The following PGAP1 variants were observed in gnomAD, a reference collection of about 807,000 sequenced individuals.
PGAP1 encodes the protein post-GPI attachment to proteins inositol deacylase 1.
PGAP1 carries 76 observed loss-of-function variants against 127.0 expected under a neutral mutation model. The observed-to-expected ratio is 0.60, with a 90% CI of 0.50 to 0.72. PGAP1 has a LOEUF of 0.72. Among genes scored for constraint, PGAP1 ranks in the 30% least tolerant of loss-of-function variants. The pLI, the probability that PGAP1 is intolerant of heterozygous loss-of-function variation, is 0.00. For synonymous variants in PGAP1, 362 were observed against 366.5 expected (o/e 0.99, Z 0.14); for missense variants, 982 against 1,071.3 (o/e 0.92, Z 1.16).
At chr2:196,852,494 TATA>T (rs1240490665) in intron 20 of PGAP1, among the ~76,000 whole-genome samples, 1 of 151,896 alleles carries the variant, frequency 6.6e-6, no homozygotes, top group Admixed American at 6.6e-5. Context: ...GAAATTAATT[TATA>T]ATAACAATTC....
At position 196,850,211 on chromosome 2, in the gene PGAP1, T is replaced by C. The variant is rs1700678550; in HGVS notation, c.1862-2174A>G. 2.0e-5 allele frequency among the ~76,000 whole-genome samples: 3 copies of C among 152,308 alleles called. No individual in the cohort carries two copies. In the South Asian group the frequency reaches 6.2e-4, roughly 32 times the overall value. The stretch of plus-strand genomic sequence containing the variant: ...TACCTTGGAGTACCAGCTGGCTCTG[T>C]TACTAGTTTAGCATCTTATCATTTC... On this transcript the variant is annotated intron_variant, in intron 20 of 26. Transcript: ENST00000354764.
chr2:196,841,303 T>G lies in PGAP1; in HGVS notation c.2700A>C (p.Ala900=). The G allele has an allele frequency of 6.2e-7, 1 of 1,613,894 alleles. No individual in the cohort carries two copies. The highest frequency in any genetic ancestry group is 8.5e-7 in the Non-Finnish European group (1 of 1,179,846). Residue 900 remains alanine, a synonymous_variant, in exon 27 of 27, where the codon GCA becomes GCC. Transcript: ENST00000354764. ...CAAAGCATGGAAGCCTATATAAATG[T>G]GCTGACCCAAAAGCAATCACACCAA... is the stretch of plus-strand genomic sequence containing the variant. ...LAVGVIAFGS[A]HLYRLPCFVF...
intron 20 of PGAP1, among the ~76,000 whole-genome samples, chr2:196,857,661 C>G: frequency 6.6e-6 from 1 of 152,142 alleles, no homozygotes; most frequent in East Asian, 1.9e-4. Context: ...ACAAATAGAG[C>G]TGAGGAAGGC....
At chr2:196,870,829 C>T (rs1158194346) in intron 19 of PGAP1, 112 bp downstream of exon 19, 2 of 824,938 alleles carry the variant, frequency 2.4e-6, no homozygotes, top group Non-Finnish European at 3.9e-6. Context: ...TGTATGTGGT[C>T]TGCAAAAAAT....
intron 20 of PGAP1, among the ~76,000 whole-genome samples, chr2:196,860,607 T>TTA: frequency 6.6e-6 from 1 of 151,974 alleles, no homozygotes; most frequent in Non-Finnish European, 1.5e-5. Context: ...TTAAATTATA[T>TTA]CTAGGAATAA....
intron 22 of PGAP1, 90 bp downstream of exon 22, chr2:196,846,913 T>C: frequency 9.1e-7 from 1 of 1,093,984 alleles, no homozygotes; most frequent in Non-Finnish European, 1.3e-6. Flanking sequence ...TAGAAAATAG[T>C]TTAGTAAAAA....
At chr2:196,847,904 G>A in intron 21 of PGAP1, 43 bp downstream of exon 21, 1 of 1,360,046 alleles carries the variant, frequency 7.4e-7, no homozygotes, top group Non-Finnish European at 1.0e-6. Context: ...AATGTTACAT[G>A]TAAAACACAA....
At chr2:196,850,753 G>C (rs1338138348) in intron 20 of PGAP1, among the ~76,000 whole-genome samples, 1 of 151,784 alleles carries the variant, frequency 6.6e-6, no homozygotes, top group Non-Finnish European at 1.5e-5. Context: ...AAAGAGATGG[G>C]AGGGGAAGGA....
chr2:196,864,184 G>GT (rs549899485), intron 20 of PGAP1, among the ~76,000 whole-genome samples: 76 of 151,980 alleles, frequency 5.0e-4, no homozygotes, highest in African/African-American at 1.8e-3. Context: ...GAAGTCAGGA[G>GT]TTCAAGACCA....
chr2:196,846,126 A>G (rs1700549984), intron 22 of PGAP1, 109 bp from the exon 23 acceptor site: 1 of 564,082 alleles, frequency 1.8e-6, no homozygotes, highest in Non-Finnish European at 2.8e-6. Flanking sequence ...CTTATATGCA[A>G]ATACATAAGG....
intron 12 of PGAP1, among the ~76,000 whole-genome samples, chr2:196,881,462 T>C (rs1262353792): frequency 6.6e-6 from 1 of 152,216 alleles, no homozygotes; most frequent in Non-Finnish European, 1.5e-5. Context: ...CCACAATGGT[T>C]GAACTAATTT....
chr2:196,864,871 T>G lies in PGAP1; in HGVS notation c.1861+116A>C, dbSNP rs556080260. ...AGGGAGTTCTAAGAACTCTCTTAAT[T>G]ATGTCTCCTGATTCAATATAACAGA... On this transcript the variant is annotated intron_variant, in intron 20 of 26. Coordinates refer to ENST00000354764, the MANE Select transcript of PGAP1 (RefSeq NM_024989.4). 1.4e-4 allele frequency: 67 copies of G among 465,504 alleles called. 2 individuals carry two copies. In the South Asian group the frequency reaches 2.1e-3, roughly 15 times the overall value. The allele number at this position is 465,504 out of a possible 1,614,324, so 28.8% of individuals were successfully genotyped here.
chr2:196,870,890 T>A, intron 19 of PGAP1, 51 bp downstream of exon 19: 4 of 1,488,964 alleles, frequency 2.7e-6, no homozygotes, highest in Non-Finnish European at 2.8e-6. Context: ...TTCCTTAGAG[T>A]TATCTATTCA....
Position 196,836,998 on chromosome 2 carries a change from C to A in PGAP1, c.*4236G>T, listed in dbSNP as rs1700255810. 2 of 152,186 alleles carry A rather than the reference C, an allele frequency of 1.3e-5. No individual in the cohort carries two copies. Among genetic ancestry groups the A allele is most frequent in the South Asian group, 4.1e-4 (2 of 4,832 alleles). The allele number at this position is 152,186 out of a possible 1,614,324, so 9.4% of individuals were successfully genotyped here. A position where few individuals can be genotyped will look rare whatever the true frequency, so the allele number is the denominator to read the frequency against. ...GTCATAGAAAGTCCCAACACATTTT[C>A]ATTTTTCCCAAATGATTAATAATAA... On this transcript the variant is annotated 3_prime_UTR_variant, in exon 27 of 27. Transcript: ENST00000354764.
chr2:196,837,766 T>G lies in PGAP1; in HGVS notation c.*3468A>C, dbSNP rs1032751827. On this transcript the variant is annotated 3_prime_UTR_variant, in exon 27 of 27. Coordinates refer to ENST00000354764, the MANE Select transcript of PGAP1 (RefSeq NM_024989.4). ...CAAACACTATGCCTATTACAGTTAT[T>G]TCTTCTTTTTTCCTTACTATATAAT... The G allele has an allele frequency of 6.6e-6, 1 of 152,226 alleles. No individual in the cohort carries two copies. The allele number at this position is 152,226 out of a possible 1,614,324, so 9.4% of individuals were successfully genotyped here.
chr2:196,901,241 T>C (rs1304372293), intron 5 of PGAP1, among the ~76,000 whole-genome samples: 3 of 152,224 alleles, frequency 2.0e-5, no homozygotes, highest in Non-Finnish European at 4.4e-5. Context: ...ATAATGAGGT[T>C]TGATAGTTTT....
chr2:196,865,242 A>G (rs1293292838), intron 19 of PGAP1, among the ~76,000 whole-genome samples, 162 bp from the exon 20 acceptor site: 1 of 152,220 alleles, frequency 6.6e-6, no homozygotes, highest in Non-Finnish European at 1.5e-5. Context: ...AATGTTGAAA[A>G]TACATAGCAA....
At position 196,890,864 on chromosome 2, in the gene PGAP1, T is replaced by G; in HGVS notation, c.1137A>C (p.Lys379Asn). ...TCTGACAATAGACATGAGTGTAGAT[T>G]TTTCTATGATTTTCAAGAGGAAATG... Reference protein sequence around the residue: ...YFTFPLENHRKIYTHVYCQST... With the variant: ...YFTFPLENHRNIYTHVYCQST... The change falls in exon 10 of 27, where the codon AAA becomes AAC. Residue 379 changes from lysine to asparagine, a missense_variant. By Grantham distance (94) the Lys-to-Asn change is moderately conservative (BLOSUM62 0). Coordinates refer to ENST00000354764, the MANE Select transcript of PGAP1 (RefSeq NM_024989.4). 6.5e-7 allele frequency: 1 copy of G among 1,545,608 alleles called. No individual in the cohort carries two copies. The highest frequency in any genetic ancestry group is 8.9e-7 in the Non-Finnish European group (1 of 1,120,356).
chr2:196,888,423 A>G (rs1701989607), intron 10 of PGAP1, among the ~76,000 whole-genome samples: 1 of 152,198 alleles, frequency 6.6e-6, no homozygotes, highest in African/African-American at 2.4e-5. Context: ...TAGGCGATCC[A>G]CAGCTCTACT....
Sources: gnomAD v4.1 joint callset for allele counts (sites outside exome capture counted in the v4.1 genomes callset) on GRCh38, gnomAD v4.1.1 for gene constraint, MANE v1.5 for transcripts, NCBI Gene and HGNC (gene_info 2026-07-23, HGNC 2026-07-21) for gene names.